COL19A1: variants seen among roughly 807,000 people sequenced by gnomAD.
COL19A1 encodes collagen alpha-1(XIX) chain.
A neutral mutation model predicts 190.2 loss-of-function variants in COL19A1; 159 were observed. That is an observed-to-expected ratio of 0.84 (90% CI 0.73 to 0.95). COL19A1 has a LOEUF of 0.95. Among genes scored for constraint, COL19A1 ranks in the 40% least tolerant of loss-of-function variants. COL19A1 has a pLI of 0.00. For synonymous variants in COL19A1, 509 were observed against 458.9 expected (o/e 1.11, Z -1.39); for missense variants, 1,418 against 1,431.9 (o/e 0.99, Z 0.16).
rs113947741 is a variant in COL19A1, at chr6:70,004,902, G to T, written c.1027-18725G>T. On this transcript the variant is annotated intron_variant, in intron 11 of 50. Transcript: ENST00000620364. ...AGCTGGAGTGCAGTGGCTCGATCTC[G>T]GCTCACTGTAAGCTCTGCCCCCCGG... Among the ~76,000 whole-genome samples the T allele has an allele frequency of 8.2e-3, 1,240 of 150,590 alleles. 21 individuals are homozygous for T. The highest frequency in any genetic ancestry group is 0.028 in the African/African-American group (1,159 of 40,754).
chr6:70,156,664 T>C lies in COL19A1; in HGVS notation c.2239-6T>C, dbSNP rs778851858. 6.2e-6 allele frequency: 10 copies of C among 1,611,548 alleles called. No homozygotes were observed. Among genetic ancestry groups the C allele is most frequent in the Non-Finnish European group, 8.5e-6 (10 of 1,178,490 alleles). ...CATGTGCTAGCTGAATGTATTGTCT[T>C]TTTAGGGAAGCAAAGGAGAGCGGGG... On this transcript the variant is annotated splice_region_variant and splice_polypyrimidine_tract_variant and intron_variant, in intron 33 of 50. Transcript: ENST00000620364.
intron 15 of COL19A1, among the ~76,000 whole-genome samples, chr6:70,085,216 G>C (rs6918625): frequency 0.053 from 8,078 of 152,224 alleles, 700 homozygotes; most frequent in African/African-American, 0.18. Flanking sequence ...TGGATTTGTT[G>C]CTAGCACAGT....
chr6:70,134,507 A>C (rs567123328), intron 18 of COL19A1, among the ~76,000 whole-genome samples: 12 of 152,344 alleles, frequency 7.9e-5, no homozygotes, highest in African/African-American at 2.9e-4. Flanking sequence ...GAATTCAGAG[A>C]AAAAATAAGC....
At chr6:69,878,790 A>T (rs866289197) in intron 1 of COL19A1, among the ~76,000 whole-genome samples, 9 of 152,254 alleles carry the variant, frequency 5.9e-5, no homozygotes, top group Admixed American at 2.0e-4. Context: ...TAGCCAAAAG[A>T]TGGGAGCAAC....
rs533681496 is a variant in COL19A1 at position 70,158,249 on chromosome 6, T to G, written c.2292+1526T>G. Among the ~76,000 whole-genome samples, 3 of 152,222 alleles carry G rather than the reference T, an allele frequency of 2.0e-5. No homozygotes were observed. In the South Asian group the frequency reaches 6.2e-4, roughly 32 times the overall value. ...ATATAATCTTGTCTTCTACTTGGTC[T>G]CAGATATTATTTGAAATTACAATTT... On this transcript the variant is annotated intron_variant, in intron 34 of 50. Transcript: ENST00000620364.
intron 15 of COL19A1, among the ~76,000 whole-genome samples, chr6:70,095,591 T>C (rs189568932): frequency 2.8e-4 from 42 of 152,328 alleles, no homozygotes; most frequent in Admixed American, 8.5e-4. Flanking sequence ...TACACTTCAG[T>C]AGTGTCAAGT....
intron 11 of COL19A1, among the ~76,000 whole-genome samples, chr6:69,985,842 A>G (rs1381096601): frequency 6.6e-6 from 1 of 152,176 alleles, no homozygotes; most frequent in African/African-American, 2.4e-5. Context: ...GGGACATCTT[A>G]AAAGGCATAT....
chr6:69,923,721 A>T (rs1582415928), intron 4 of COL19A1, among the ~76,000 whole-genome samples: 1 of 152,166 alleles, frequency 6.6e-6, no homozygotes, highest in East Asian at 1.9e-4. Context: ...GGCTGTGTGA[A>T]AACTCCGGAA....
chr6:69,977,246 A>C (rs1775765883), intron 11 of COL19A1, among the ~76,000 whole-genome samples: 1 of 152,152 alleles, frequency 6.6e-6, no homozygotes, highest in Non-Finnish European at 1.5e-5. Flanking sequence ...AAAAATGATG[A>C]GTTCATGTCC....
chr6:70,153,944 G>C (rs978983590), intron 31 of COL19A1, among the ~76,000 whole-genome samples: 1 of 152,032 alleles, frequency 6.6e-6, no homozygotes, highest in African/African-American at 2.4e-5. Context: ...CCACCATGAA[G>C]AGAGCTTTTT....
intron 14 of COL19A1, among the ~76,000 whole-genome samples, chr6:70,067,168 G>A (rs775965742): frequency 1.3e-5 from 2 of 152,112 alleles, no homozygotes; most frequent in Non-Finnish European, 2.9e-5. Flanking sequence ...GGTACATCAG[G>A]GAAGATCAAG....
intron 11 of COL19A1, among the ~76,000 whole-genome samples, chr6:69,975,250 C>A (rs1161399594): frequency 6.6e-6 from 1 of 152,208 alleles, no homozygotes; most frequent in Non-Finnish European, 1.5e-5. Context: ...TTCCTCATAA[C>A]CTTCATCTTG....
chr6:69,905,408 C>T (rs553420923), intron 4 of COL19A1, among the ~76,000 whole-genome samples: 3 of 152,332 alleles, frequency 2.0e-5, no homozygotes, highest in African/African-American at 7.2e-5. Flanking sequence ...GGACAGCTCT[C>T]CCTTCAGGGT....
chr6:69,871,528 T>G (rs1767820444), intron 1 of COL19A1, among the ~76,000 whole-genome samples: 1 of 152,246 alleles, frequency 6.6e-6, no homozygotes, highest in Admixed American at 6.5e-5. Context: ...CCATGTACAT[T>G]AAATGTAACA....
intron 18 of COL19A1, among the ~76,000 whole-genome samples, chr6:70,133,237 C>T (rs1785632378): frequency 1.3e-5 from 2 of 152,168 alleles, no homozygotes; most frequent in Non-Finnish European, 2.9e-5. Context: ...TGCTACTTCT[C>T]AATGCACTGA....
intron 14 of COL19A1, among the ~76,000 whole-genome samples, chr6:70,064,821 A>T (rs2150146308): frequency 6.6e-6 from 1 of 152,296 alleles, no homozygotes; most frequent in Middle Eastern, 3.4e-3. Flanking sequence ...TAACAAACAA[A>T]CAGAGAGCCA....
At chr6:70,169,777 T>C (rs1765392721) in intron 40 of COL19A1, among the ~76,000 whole-genome samples, 1 of 152,096 alleles carries the variant, frequency 6.6e-6, no homozygotes, top group South Asian at 2.1e-4. Flanking sequence ...TCTTACATCT[T>C]GTTGATAAAA....
At chr6:70,154,804 T>C (rs776688514) in intron 31 of COL19A1, among the ~76,000 whole-genome samples, 1 of 151,872 alleles carries the variant, frequency 6.6e-6, no homozygotes, top group South Asian at 2.1e-4. Flanking sequence ...GAATTTGGAG[T>C]CTTATGTTTG....
chr6:70,065,840 C>G (rs908335635), intron 14 of COL19A1, among the ~76,000 whole-genome samples: 5 of 152,124 alleles, frequency 3.3e-5, no homozygotes, highest in African/African-American at 9.7e-5. Flanking sequence ...TTTATGCAGC[C>G]AACAGACACA....
Sources: allele counts gnomAD v4.1 joint callset (sites outside exome capture counted in the v4.1 genomes callset), GRCh38; gene constraint gnomAD v4.1.1; transcripts MANE v1.5; gene names NCBI Gene and HGNC (gene_info 2026-07-23, HGNC 2026-07-21).